VTI1A: variants seen among roughly 807,000 people sequenced by gnomAD.
VTI1A encodes the protein vesicle transport through interaction with t-SNAREs 1A.
A neutral mutation model predicts 34.9 loss-of-function variants in VTI1A; 22 were observed. The observed-to-expected ratio is 0.63, with a 90% CI of 0.45 to 0.90. VTI1A has a LOEUF of 0.90. Ranked by LOEUF, VTI1A falls within the 40% of genes least tolerant of loss-of-function variation. VTI1A has a pLI of 0.00. For synonymous variants in VTI1A, 87 were observed against 97.3 expected (o/e 0.89, Z 0.62); for missense variants, 268 against 275.6 (o/e 0.97, Z 0.20).
intron 3 of VTI1A, among the ~76,000 whole-genome samples, chr10:112,489,297 A>G (rs1209645570): frequency 6.6e-6 from 1 of 151,600 alleles, no homozygotes; most frequent in Non-Finnish European, 1.5e-5. Flanking sequence ...ATTGGAAGAT[A>G]CAAGGTACTC....
At position 112,492,788 on chromosome 10, in the gene VTI1A, CA is replaced by C. The variant is rs34425418; in HGVS notation, c.264+28141del. ...GCAACAGTCTCAAAAAAAAAAAAAG[CA>C]AAAAAAAAATTGATTGAGTTATAAT... On this transcript the variant is annotated intron_variant, in intron 3 of 7. Transcript: ENST00000393077. Among the ~76,000 whole-genome samples the C allele has an allele frequency of 1.2e-4, 18 of 144,986 alleles. No homozygotes were observed. In the East Asian group the frequency reaches 1.7e-3, roughly 13 times the overall value.
chr10:112,544,685 C>G (rs562941567), intron 5 of VTI1A, among the ~76,000 whole-genome samples: 22 of 152,050 alleles, frequency 1.4e-4, no homozygotes, highest in African/African-American at 5.3e-4. Context: ...GGAAGGATCT[C>G]CCAGGGAAGA....
chr10:112,734,237 C>T (rs1405351233), intron 7 of VTI1A, among the ~76,000 whole-genome samples: 5 of 152,122 alleles, frequency 3.3e-5, no homozygotes, highest in Non-Finnish European at 5.9e-5. Flanking sequence ...ATCTGTTCCT[C>T]CTCTCCCTTC....
rs149370131 is a variant in VTI1A at position 112,632,879 on chromosome 10, A to C, written c.428-35339A>C. Among the ~76,000 whole-genome samples the C allele has an allele frequency of 2.0e-5, 3 of 152,302 alleles. No individual in the cohort carries two copies. The East Asian group carries it at 5.8e-4, about 29-fold the overall frequency. ...TATAGGCACAAGCATGTACTTACTT[A>C]GTTGTATCTATTAGTATAGTAATGC... is the stretch of plus-strand genomic sequence containing the variant. On this transcript the variant is annotated intron_variant, in intron 5 of 7. Transcript: ENST00000393077.
chr10:112,819,409 C>G (rs926427634), downstream of VTI1A, among the ~76,000 whole-genome samples: 1 of 152,092 alleles, frequency 6.6e-6, no homozygotes. Context: ...CCGTGAGTCC[C>G]TGGTCTCCAA....
rs1846862613 is a variant in VTI1A at position 112,447,216 on chromosome 10, A to T, written c.-158A>T. On this transcript the variant is annotated 5_prime_UTR_variant, in exon 1 of 8. Coordinates refer to ENST00000393077, the MANE Select transcript of VTI1A (RefSeq NM_145206.4). ...TTTCCGGAGAACCGAGATTGCGACG[A>T]ACAACCAGGAAGCGGCTGGGTTGAG... 1 of 664,950 alleles carries T rather than the reference A, an allele frequency of 1.5e-6. No homozygotes were observed. The highest frequency in any genetic ancestry group is 2.4e-6 in the Non-Finnish European group (1 of 411,598). The allele number at this position is 664,950 out of a possible 1,614,324, so 41.2% of individuals were successfully genotyped here. A position where few individuals can be genotyped will look rare whatever the true frequency, so the allele number is the denominator to read the frequency against.
At chr10:112,597,823 G>T (rs1394681653) in intron 5 of VTI1A, among the ~76,000 whole-genome samples, 1 of 147,028 alleles carries the variant, frequency 6.8e-6, no homozygotes, top group African/African-American at 2.5e-5. Flanking sequence ...TCAGCCTCCC[G>T]AGTAGCCGGG....
chr10:112,810,961 A>AG (rs1170705895), intron 7 of VTI1A, among the ~76,000 whole-genome samples: 1 of 151,834 alleles, frequency 6.6e-6, no homozygotes, highest in Admixed American at 6.6e-5. Flanking sequence ...CAAGAAAAAA[A>AG]AAATCTTATC....
chr10:112,739,879 G>A (rs1850631629), intron 7 of VTI1A, among the ~76,000 whole-genome samples: 1 of 152,192 alleles, frequency 6.6e-6, no homozygotes, highest in East Asian at 1.9e-4. Context: ...GGAAACATAA[G>A]CATGGCAGCT....
At chr10:112,736,337 A>G (rs577253652) in intron 7 of VTI1A, among the ~76,000 whole-genome samples, 3 of 152,134 alleles carry the variant, frequency 2.0e-5, no homozygotes, top group African/African-American at 7.2e-5. Context: ...ATTGTAAGCT[A>G]TGCAAGGACA....
At chr10:112,524,826 A>G (rs1564812400) in intron 3 of VTI1A, among the ~76,000 whole-genome samples, 1 of 152,172 alleles carries the variant, frequency 6.6e-6, no homozygotes, top group African/African-American at 2.4e-5. Flanking sequence ...GAGATGAATA[A>G]TTAAAAAGGC....
rs7905524 is a variant in VTI1A, at chr10:112,773,324, C to T, written c.561-41966C>T. 5.2e-3 allele frequency among the ~76,000 whole-genome samples: 796 copies of T among 152,238 alleles called. 7 individuals carry two copies. The highest frequency in any genetic ancestry group is 0.018 in the African/African-American group (754 of 41,548). ...GCACATAGTACCTGGTACCTAGTTGCCACACAAAGCATGCATGTTCACACT... is the reference window on the plus strand; with the variant it reads ...GCACATAGTACCTGGTACCTAGTTGTCACACAAAGCATGCATGTTCACACT... On this transcript the variant is annotated intron_variant, in intron 7 of 7. Coordinates refer to ENST00000393077, the MANE Select transcript of VTI1A (RefSeq NM_145206.4).
Position 112,757,606 on chromosome 10 carries a change from G to A in VTI1A, c.561-57684G>A, listed in dbSNP as rs182527880. ...TTGCCATGTTGGCCAGACTGGTTTC[G>A]AACTCATGGCCTCAAGTGATCTGCC... On this transcript the variant is annotated intron_variant, in intron 7 of 7. Coordinates refer to ENST00000393077, the MANE Select transcript of VTI1A (RefSeq NM_145206.4). Among the ~76,000 whole-genome samples the A allele has an allele frequency of 5.9e-5, 9 of 152,028 alleles. No individual in the cohort carries two copies. The East Asian group carries it at 1.2e-3, about 20-fold the overall frequency.
chr10:112,611,638 C>G (rs1845312843), intron 5 of VTI1A, among the ~76,000 whole-genome samples: 1 of 150,712 alleles, frequency 6.6e-6, no homozygotes. Context: ...ATATAAAAAC[C>G]AAATCTAGAA....
At position 112,710,087 on chromosome 10, in the gene VTI1A, A is replaced by G. The variant is rs147501826; in HGVS notation, c.560+41089A>G. On this transcript the variant is annotated intron_variant, in intron 7 of 7. Transcript: ENST00000393077. ...CTGGAGAACAAGGAATACAGCTCTC[A>G]TATTTGAATCTGAAAGCACTCAGCA... Among the ~76,000 whole-genome samples the G allele has an allele frequency of 4.7e-3, 699 of 150,066 alleles. 5 individuals are homozygous for G. The highest frequency in any genetic ancestry group is 0.017 in the African/African-American group (681 of 40,644).
intron 3 of VTI1A, among the ~76,000 whole-genome samples, chr10:112,518,152 T>G (rs906582371): frequency 1.3e-5 from 2 of 152,102 alleles, no homozygotes; most frequent in South Asian, 4.1e-4. Context: ...GAAATCCAGT[T>G]TATAATAAGC....
chr10:112,513,542 T>C (rs1355250213), intron 3 of VTI1A, among the ~76,000 whole-genome samples: 1 of 152,080 alleles, frequency 6.6e-6, no homozygotes, highest in African/African-American at 2.4e-5. Flanking sequence ...GTCTCTTGCC[T>C]AATTGCTGTG....
At chr10:112,742,973 G>A (rs1850745918) in intron 7 of VTI1A, among the ~76,000 whole-genome samples, 1 of 151,498 alleles carries the variant, frequency 6.6e-6, no homozygotes, top group African/African-American at 2.4e-5. Flanking sequence ...TAAGCAAGAG[G>A]AGATTTGCTA....
At chr10:112,605,271 C>T (rs961509913) in intron 5 of VTI1A, among the ~76,000 whole-genome samples, 4 of 152,080 alleles carry the variant, frequency 2.6e-5, no homozygotes, top group South Asian at 2.1e-4. Context: ...TCCTTTCACC[C>T]CTGACGTATT....
Sources: allele counts gnomAD v4.1 joint callset (sites outside exome capture counted in the v4.1 genomes callset), GRCh38; gene constraint gnomAD v4.1.1; transcripts MANE v1.5; gene names NCBI Gene and HGNC (gene_info 2026-07-23, HGNC 2026-07-21).